LRRC7: variants seen among roughly 807,000 people sequenced by gnomAD.
LRRC7 encodes the protein leucine rich repeat containing 7.
A neutral mutation model predicts 175.7 loss-of-function variants in LRRC7; 23 were observed. The ratio of observed to expected loss-of-function variants is 0.13; its 90% CI spans 0.09 to 0.19. The LOEUF (loss-of-function observed/expected upper bound fraction) is 0.19. LRRC7 is among the 10% of genes least tolerant of loss of function. The pLI, the probability that LRRC7 is intolerant of heterozygous loss-of-function variation, is 1.00. For synonymous variants in LRRC7, 685 were observed against 680.9 expected (o/e 1.01, Z -0.09); for missense variants, 1,354 against 1,904.7 (o/e 0.71, Z 5.38).
At chr1:69,922,334 T>C (rs150242519) in intron 7 of LRRC7, among the ~76,000 whole-genome samples, 1 of 77,260 alleles carries the variant, frequency 1.3e-5, no homozygotes, top group Non-Finnish European at 3.3e-5. Flanking sequence ...CCCTGACTCC[T>C]CCAAAGTAAA....
chr1:69,754,681 C>T (rs1453983896), intron 2 of LRRC7, among the ~76,000 whole-genome samples: 2 of 152,048 alleles, frequency 1.3e-5, no homozygotes, highest in African/African-American at 2.4e-5. Flanking sequence ...GCTCCAGCGT[C>T]CAAGCTCCTG....
intron 1 of LRRC7, among the ~76,000 whole-genome samples, chr1:69,666,520 G>A (rs1467832261): frequency 1.3e-5 from 2 of 151,932 alleles, no homozygotes; most frequent in Non-Finnish European, 2.9e-5. Context: ...TTAGATTTTG[G>A]ATTTCTTCAT....
At chr1:69,993,191 A>C (rs1205001640) in intron 10 of LRRC7, among the ~76,000 whole-genome samples, 2 of 152,126 alleles carry the variant, frequency 1.3e-5, no homozygotes, top group Admixed American at 1.3e-4. Context: ...ATGGCAGTGG[A>C]TTTTCAAACT....
chr1:70,093,467 G>T (rs1664172949), intron 25 of LRRC7, among the ~76,000 whole-genome samples: 2 of 152,074 alleles, frequency 1.3e-5, no homozygotes, highest in Admixed American at 6.6e-5. Context: ...AAACAAAACT[G>T]AGCTGACTCC....
intron 1 of LRRC7, 68 bp from the exon 2 acceptor site, chr1:69,678,313 C>A: frequency 8.9e-7 from 1 of 1,120,800 alleles, no homozygotes. Context: ...GAATTTTAGA[C>A]CATTTAACTT....
chr1:69,732,483 A>G (rs565220120), intron 2 of LRRC7, among the ~76,000 whole-genome samples: 20 of 152,206 alleles, frequency 1.3e-4, no homozygotes, highest in Admixed American at 3.9e-4. Context: ...TAGTTTTCCC[A>G]AATTCACAGA....
intron 5 of LRRC7, among the ~76,000 whole-genome samples, chr1:69,833,693 G>T (rs1680791993): frequency 6.6e-6 from 1 of 151,958 alleles, no homozygotes; most frequent in South Asian, 2.1e-4. Context: ...GAGAGAACAA[G>T]CAGTGATGGC....
At chr1:69,577,810 G>T (rs1646017369) in intron 1 of LRRC7, among the ~76,000 whole-genome samples, 1 of 152,100 alleles carries the variant, frequency 6.6e-6, no homozygotes, top group South Asian at 2.1e-4. Context: ...AAGTCAGGTA[G>T]CGTGATGCCT....
intron 3 of LRRC7, among the ~76,000 whole-genome samples, chr1:69,779,513 C>T (rs985104558): frequency 7.9e-5 from 12 of 152,134 alleles, no homozygotes; most frequent in African/African-American, 2.9e-4. Flanking sequence ...GTAGATATGG[C>T]AATGTGCTAT....
Position 70,038,948 on chromosome 1 carries a change from G to A in LRRC7, c.3124G>A (p.Asp1042Asn). ...TCGAAGCCAGTCAGTCCCAATGCTG[G>A]ATGATGAGATGCTCACCTACGGAAG... ...MSRSQSVPML[D>N]DEMLTYGSSK... The change falls in exon 21 of 27, where the codon GAT becomes AAT. Residue 1042 changes from aspartate to asparagine, a missense_variant. Coordinates refer to ENST00000651989, the MANE Select transcript of LRRC7 (RefSeq NM_001370785.2). The A allele has an allele frequency of 6.2e-7, 1 of 1,613,986 alleles. No homozygotes were observed. Among genetic ancestry groups the A allele is most frequent in the Non-Finnish European group, 8.5e-7 (1 of 1,180,000 alleles).
At chr1:69,640,611 T>C (rs1260561616) in intron 1 of LRRC7, among the ~76,000 whole-genome samples, 1 of 149,902 alleles carries the variant, frequency 6.7e-6, no homozygotes, top group East Asian at 1.9e-4. Context: ...TTTTATTTAA[T>C]ATAGGAGGAC....
chr1:69,708,900 C>A (rs1664397408), intron 2 of LRRC7, among the ~76,000 whole-genome samples: 1 of 152,298 alleles, frequency 6.6e-6, no homozygotes, highest in African/African-American at 2.4e-5. Context: ...ATTACTTCCA[C>A]CTATTTTATT....
chr1:69,599,905 C>T (rs1010285452), intron 1 of LRRC7, among the ~76,000 whole-genome samples: 14 of 152,078 alleles, frequency 9.2e-5, no homozygotes, highest in Non-Finnish European at 4.4e-5. Flanking sequence ...CTGCAAAAAA[C>T]GTTTACTCAC....
Position 70,039,776 on chromosome 1 carries a change from G to A in LRRC7, c.3952G>A (p.Ala1318Thr). Residue 1318 changes from alanine (A) to threonine (T), a missense_variant, in exon 21 of 27, where the codon GCT (alanine) becomes ACT (threonine). This residue lies in a region of LRRC7 where 1,032 missense variants were observed against 1,227.2 expected (regional missense o/e 0.84). Transcript: ENST00000651989. ...WRQQLLRHIE[A>T]RRLDRNAAYK... is the part of the protein sequence containing the mutation. ...ACAACAGCTGCTTAGACATATAGAA[G>A]CTAGACGGTTAGACAGGGTATGTCT... 1 of 1,599,880 alleles carries A rather than the reference G, an allele frequency of 6.3e-7. No individual in the cohort carries two copies. The highest frequency in any genetic ancestry group is 1.1e-5 in the South Asian group (1 of 88,388).
At chr1:69,898,756 C>T (rs908420000) in intron 7 of LRRC7, among the ~76,000 whole-genome samples, 2 of 152,144 alleles carry the variant, frequency 1.3e-5, no homozygotes, top group African/African-American at 4.8e-5. Flanking sequence ...GGATAAGAAG[C>T]ATGTGTCTGA....
At chr1:70,089,991 G>T (rs905102711) in intron 25 of LRRC7, among the ~76,000 whole-genome samples, 172 bp downstream of exon 25, 1 of 152,042 alleles carries the variant, frequency 6.6e-6, no homozygotes, top group African/African-American at 2.4e-5. Flanking sequence ...TTACTGCAGC[G>T]CTTGACACAT....
chr1:70,074,417 T>A (rs755998072), intron 23 of LRRC7, among the ~76,000 whole-genome samples: 1 of 152,178 alleles, frequency 6.6e-6, no homozygotes, highest in Non-Finnish European at 1.5e-5. Flanking sequence ...GGCTGCAATA[T>A]CTTCTTTCAT....
At chr1:70,098,212 G>A (rs1319964993) in intron 25 of LRRC7, among the ~76,000 whole-genome samples, 2 of 152,194 alleles carry the variant, frequency 1.3e-5, no homozygotes, top group Non-Finnish European at 1.5e-5. Flanking sequence ...CTGATGGCCA[G>A]TGATGATGAG....
chr1:69,764,251 A>C (rs140027291), intron 3 of LRRC7, among the ~76,000 whole-genome samples: 128 of 152,092 alleles, frequency 8.4e-4, no homozygotes, highest in African/African-American at 2.9e-3. Flanking sequence ...AATTATAGAC[A>C]GAGTAATAGA....
Sources: gnomAD v4.1 joint callset for allele counts (sites outside exome capture counted in the v4.1 genomes callset) on GRCh38, gnomAD v4.1.1 for gene constraint, gnomAD v4.1.1 regional missense constraint, MANE v1.5 for transcripts, NCBI Gene and HGNC (gene_info 2026-07-23, HGNC 2026-07-21) for gene names.